The following FREM3 variants were observed in gnomAD, a reference collection of about 807,000 sequenced individuals.
FREM3 encodes FRAS1 related extracellular matrix 3.
A neutral mutation model predicts 129.1 loss-of-function variants in FREM3; 105 were observed. The ratio of observed to expected loss-of-function variants is 0.81; its 90% CI spans 0.69 to 0.96. The LOEUF (loss-of-function observed/expected upper bound fraction) is 0.96. Among genes scored for constraint, FREM3 ranks in the 40% least tolerant of loss-of-function variants. The pLI is 0.00. For synonymous variants in FREM3, 1,014 were observed against 1,044.9 expected, an observed-to-expected ratio of 0.97 and a Z score of 0.57; for missense variants, 2,593 against 2,666.3, an observed-to-expected ratio of 0.97 and a Z score of 0.61.
At chr4:143,673,471 A>G (rs1740042388) in intron 2 of FREM3, among the ~76,000 whole-genome samples, 1 of 152,138 alleles carries the variant, frequency 6.6e-6, no homozygotes, top group Admixed American at 6.5e-5. Flanking sequence ...TCAGAGGGGT[A>G]CCCGGCCGTG....
chr4:143,660,525 C>G (rs1365860222), intron 2 of FREM3, among the ~76,000 whole-genome samples: 6 of 152,142 alleles, frequency 3.9e-5, no homozygotes, highest in Non-Finnish European at 7.4e-5. Flanking sequence ...CGTGATGCCT[C>G]CAGCTTTGTT....
chr4:143,627,420 T>C (rs1578841009), intron 3 of FREM3, among the ~76,000 whole-genome samples, 194 bp downstream of exon 3: 1 of 152,288 alleles, frequency 6.6e-6, no homozygotes, highest in East Asian at 1.9e-4. Context: ...GGAAAGATGA[T>C]AAAAATTGAT....
chr4:143,592,731 T>C (rs1322839499), intron 6 of FREM3, among the ~76,000 whole-genome samples: 1 of 152,210 alleles, frequency 6.6e-6, no homozygotes, highest in Non-Finnish European at 1.5e-5. Flanking sequence ...GGAGTTGCTC[T>C]TCTCAAGGAG....
Position 143,698,927 on chromosome 4 carries a change from C to T in FREM3, c.1749G>A (p.Leu583=), listed in dbSNP as rs925416773. 21 of 1,537,228 alleles carry T rather than the reference C, an allele frequency of 1.4e-5. No individual in the cohort carries two copies. Among genetic ancestry groups the T allele is most frequent in the Admixed American group, 2.0e-5 (1 of 50,976 alleles). ...DSEDSTIHFV[L]ENQPLKGNEE... ...CATTTCCTTTTAGGGGCTGGTTCTC[C>T]AGCACAAAGTGGATGGTTGAGTCCT... Residue 583 remains leucine, a synonymous_variant, in exon 1 of 8, where the codon CTG becomes CTA. Transcript: ENST00000329798.
chr4:143,696,624 T>C lies in FREM3; in HGVS notation c.4052A>G (p.Gln1351Arg). Reference protein sequence around the residue: ...SLSFVLHSGPQQGLLQRLRKP... With the variant: ...SLSFVLHSGPRQGLLQRLRKP... ...TCTCAGCCTCTGTAGAAGCCCTTGT[T>C]GAGGCCCAGAATGGAGGACAAAACT... The change falls in exon 1 of 8, where the codon CAA becomes CGA. Residue 1351 changes from glutamine to arginine, a missense_variant. Physicochemically the swap from Gln to Arg is conservative, Grantham distance 43. This residue lies in a region of FREM3 where 2,276 missense variants were observed against 2,267.2 expected (regional missense o/e 1.00). Transcript: ENST00000329798. The C allele has an allele frequency of 1.3e-6, 2 of 1,537,836 alleles. No homozygotes were observed. Among genetic ancestry groups the C allele is most frequent in the Non-Finnish European group, 1.7e-6 (2 of 1,147,032 alleles).
chr4:143,665,006 C>G (rs1739828847), intron 2 of FREM3, among the ~76,000 whole-genome samples: 1 of 152,144 alleles, frequency 6.6e-6, no homozygotes, highest in East Asian at 1.9e-4. Context: ...CTTTCTTTGA[C>G]TAGGAAAGGG....
intron 1 of FREM3, 67 bp downstream of exon 1, chr4:143,695,424 A>G: frequency 5.2e-6 from 7 of 1,335,382 alleles, no homozygotes; most frequent in Non-Finnish European, 7.0e-6. Flanking sequence ...ACAATTTTAC[A>G]CAAAGCTGAG....
intron 2 of FREM3, among the ~76,000 whole-genome samples, chr4:143,664,318 C>G (rs1739807136): frequency 6.6e-6 from 1 of 152,142 alleles, no homozygotes; most frequent in Non-Finnish European, 1.5e-5. Context: ...GGACCCTCAG[C>G]TGCAGGTCTG....
In FREM3 at chr4:143,696,927, T is replaced by G. The variant is rs987452187; in HGVS notation, c.3749A>C (p.Gln1250Pro). 26 of 1,537,362 alleles carry G rather than the reference T, an allele frequency of 1.7e-5. No individual in the cohort carries two copies. The highest frequency in any genetic ancestry group is 2.3e-5 in the Non-Finnish European group (26 of 1,146,984). Residue 1250 changes from glutamine (Q) to proline (P), a missense_variant, in exon 1 of 8, where the codon CAG becomes CCG. This residue lies in a region of FREM3 where 2,276 missense variants were observed against 2,267.2 expected (regional missense o/e 1.00). Transcript: ENST00000329798. Reference sequence around the variant, plus strand: ...CTTGAGGGTGAAGCTGTGGATGGGCTGGCTGCCTGTAGCCAGCTGCTGTAT... The same window carrying G: ...CTTGAGGGTGAAGCTGTGGATGGGCGGGCTGCCTGTAGCCAGCTGCTGTAT... ...RIIQQLATGSQPIHSFTLKEI... is the reference protein window; with the variant it reads ...RIIQQLATGSPPIHSFTLKEI...
chr4:143,663,623 T>C (rs927157949), intron 2 of FREM3, among the ~76,000 whole-genome samples: 2 of 152,136 alleles, frequency 1.3e-5, no homozygotes, highest in Non-Finnish European at 2.9e-5. Flanking sequence ...TGAATCTGAA[T>C]GCTGGCCTGC....
chr4:143,676,627 G>A (rs1388999516), intron 2 of FREM3, among the ~76,000 whole-genome samples: 1 of 152,166 alleles, frequency 6.6e-6, no homozygotes, highest in Non-Finnish European at 1.5e-5. Flanking sequence ...TGACATGATT[G>A]TATATCTAGA....
chr4:143,587,218 A>G (rs1008635343), intron 6 of FREM3, among the ~76,000 whole-genome samples: 2 of 151,206 alleles, frequency 1.3e-5, no homozygotes, highest in Non-Finnish European at 3.0e-5. Flanking sequence ...ATGTGCCAAT[A>G]TGGCAAATGC....
chr4:143,612,534 C>T (rs867424155), intron 5 of FREM3, among the ~76,000 whole-genome samples: 11 of 152,124 alleles, frequency 7.2e-5, no homozygotes, highest in East Asian at 1.9e-4. Context: ...TATTCAAGTA[C>T]GAGTCTTTGA....
rs533891160 is a variant in FREM3 at position 143,660,800 on chromosome 4, G to A, written c.5275+32313C>T. Among the ~76,000 whole-genome samples, 569 of 151,704 alleles carry A rather than the reference G, an allele frequency of 3.8e-3. 2 individuals carry two copies. Among genetic ancestry groups the A allele is most frequent in the African/African-American group, 0.013 (533 of 41,276 alleles). ...AGTTCTCCTTGAAGAGGTCCTTCAC[G>A]TCCCTTGTAAGTTGGATTCCTAGGT... On this transcript the variant is annotated intron_variant, in intron 2 of 7. Transcript: ENST00000329798.
intron 2 of FREM3, among the ~76,000 whole-genome samples, chr4:143,687,698 A>T (rs1377458399): frequency 6.6e-6 from 1 of 152,208 alleles, no homozygotes; most frequent in Non-Finnish European, 1.5e-5. Context: ...GGATGCAGGG[A>T]TGGTTGAACA....
intron 6 of FREM3, among the ~76,000 whole-genome samples, chr4:143,590,694 A>C (rs1738343080): frequency 6.6e-6 from 1 of 152,134 alleles, no homozygotes; most frequent in Non-Finnish European, 1.5e-5. Flanking sequence ...TTGGTCTAAA[A>C]TTCTCTTTTT....
At chr4:143,637,509 C>T (rs1357217559) in intron 2 of FREM3, among the ~76,000 whole-genome samples, 1 of 152,068 alleles carries the variant, frequency 6.6e-6, no homozygotes, top group Non-Finnish European at 1.5e-5. Context: ...ATTTCTCAGG[C>T]TTTTGCTTAA....
rs180876061 is a variant in FREM3 at position 143,647,896 on chromosome 4, A to G, written c.5276-20136T>C. Among the ~76,000 whole-genome samples, 141 of 152,316 alleles carry G rather than the reference A, an allele frequency of 9.3e-4. 1 individual carries two copies. The highest frequency in any genetic ancestry group is 3.3e-3 in the African/African-American group (137 of 41,572). ...ATTAAACGGTGAGAAGAAGGCCACC[A>G]TCCTCCAGTCCCCAGAATGGTAGAA... is the stretch of plus-strand genomic sequence containing the variant. On this transcript the variant is annotated intron_variant, in intron 2 of 7. Transcript: ENST00000329798.
intron 6 of FREM3, among the ~76,000 whole-genome samples, chr4:143,589,532 G>T (rs913258632): frequency 2.6e-5 from 4 of 152,024 alleles, no homozygotes; most frequent in African/African-American, 9.7e-5. Flanking sequence ...CTCAGGTTTG[G>T]CAAAGATCAG....
Sources: allele counts gnomAD v4.1 joint callset (sites outside exome capture counted in the v4.1 genomes callset), GRCh38; gene constraint gnomAD v4.1.1; regional missense constraint gnomAD v4.1.1; transcripts MANE v1.5; gene names NCBI Gene and HGNC (gene_info 2026-07-23, HGNC 2026-07-21).